The following HCN1 variants were observed in gnomAD, a reference collection of about 807,000 sequenced individuals.
The protein encoded by HCN1 is potassium/sodium hyperpolarization-activated cyclic nucleotide-gated channel 1.
HCN1 carries 13 observed loss-of-function variants against 78.9 expected under a neutral mutation model. The ratio of observed to expected loss-of-function variants is 0.16; its 90% CI spans 0.11 to 0.26. The LOEUF is 0.26. Among genes scored for constraint, HCN1 ranks in the 10% least tolerant of loss-of-function variants. HCN1 has a pLI of 1.00. For synonymous variants in HCN1, 552 were observed against 455.5 expected (o/e 1.21, Z -2.70); for missense variants, 810 against 1,154.3 (o/e 0.70, Z 4.32).
chr5:45,422,292 C>T (rs1740245672), intron 3 of HCN1, among the ~76,000 whole-genome samples: 1 of 152,128 alleles, frequency 6.6e-6, no homozygotes, highest in African/African-American at 2.4e-5. Flanking sequence ...TTCTGTGGGT[C>T]TTCCTTTCCA....
intron 3 of HCN1, among the ~76,000 whole-genome samples, chr5:45,445,078 G>A (rs987312514): frequency 1.3e-5 from 2 of 152,186 alleles, no homozygotes; most frequent in Admixed American, 6.5e-5. Context: ...GAAACAGGGC[G>A]AGGCATTGCC....
At chr5:45,496,929 C>G (rs868763057) in intron 2 of HCN1, among the ~76,000 whole-genome samples, 1 of 152,094 alleles carries the variant, frequency 6.6e-6, no homozygotes, top group Admixed American at 6.6e-5. Flanking sequence ...TTTCAAAGAA[C>G]ATCTTTATTT....
At chr5:45,360,832 T>C (rs1257174166) in intron 4 of HCN1, among the ~76,000 whole-genome samples, 1 of 152,086 alleles carries the variant, frequency 6.6e-6, no homozygotes, top group Non-Finnish European at 1.5e-5. Flanking sequence ...ATTTGTTTGC[T>C]TTTTAGCAGA....
At chr5:45,355,283 T>C (rs2111985518) in intron 4 of HCN1, among the ~76,000 whole-genome samples, 1 of 152,164 alleles carries the variant, frequency 6.6e-6, no homozygotes, top group Admixed American at 6.6e-5. Flanking sequence ...TAGTAACTAT[T>C]GATCTAGCAA....
chr5:45,448,691 T>TA (rs1426411484), intron 3 of HCN1, among the ~76,000 whole-genome samples: 1 of 152,236 alleles, frequency 6.6e-6, no homozygotes, highest in Non-Finnish European at 1.5e-5. Flanking sequence ...TACTCTCAGC[T>TA]ACCTGAAATT....
At chr5:45,666,301 T>C (rs2112068594) in intron 1 of HCN1, among the ~76,000 whole-genome samples, 1 of 152,208 alleles carries the variant, frequency 6.6e-6, no homozygotes, top group South Asian at 2.1e-4. Context: ...AGAGTTTAAA[T>C]TACTAGTCAA....
chr5:45,283,983 CTT>C (rs1745220965), intron 6 of HCN1, among the ~76,000 whole-genome samples: 1 of 152,138 alleles, frequency 6.6e-6, no homozygotes, highest in African/African-American at 2.4e-5. Flanking sequence ...GAGATCCTGT[CTT>C]TTGTGGGAAC....
In HCN1 at chr5:45,267,177, G is replaced by A. The variant is rs553446512; in HGVS notation, c.1695C>T (p.Ser565=). 2.2e-5 allele frequency: 35 copies of A among 1,613,856 alleles called. No individual in the cohort carries two copies. The East Asian group carries it at 4.0e-4, about 19-fold the overall frequency. ...ADTYCRLYSL[S]VDNFNEVLEE... The stretch of plus-strand genomic sequence containing the variant: ...CCAGGACCTCGTTGAAATTGTCCAC[G>A]GAAAGTGAGTAAAGACGACAATATG... The change falls in exon 7 of 8, where the codon TCC becomes TCT. Residue 565 remains serine, a synonymous_variant. Coordinates refer to ENST00000303230, the MANE Select transcript of HCN1 (RefSeq NM_021072.4).
chr5:45,596,739 C>A (rs567514163), intron 2 of HCN1, among the ~76,000 whole-genome samples: 1 of 152,262 alleles, frequency 6.6e-6, no homozygotes, highest in African/African-American at 2.4e-5. Flanking sequence ...AAGCTATGCA[C>A]ATTTTGTCAT....
At chr5:45,421,463 A>C (rs1561148323) in intron 3 of HCN1, among the ~76,000 whole-genome samples, 1 of 152,200 alleles carries the variant, frequency 6.6e-6, no homozygotes, top group Non-Finnish European at 1.5e-5. Context: ...ATAAGCAACT[A>C]TATGGATTAA....
intron 6 of HCN1, among the ~76,000 whole-genome samples, chr5:45,286,480 A>G (rs186366059): frequency 1.3e-5 from 2 of 152,116 alleles, no homozygotes; most frequent in East Asian, 3.9e-4. Flanking sequence ...TACTGAATTA[A>G]TAAGTCCACC....
chr5:45,282,708 G>A (rs1402884494), intron 6 of HCN1, among the ~76,000 whole-genome samples: 5 of 152,170 alleles, frequency 3.3e-5, no homozygotes, highest in Admixed American at 1.3e-4. Flanking sequence ...TTCCAGCTAC[G>A]TGCTTCATTC....
At chr5:45,472,337 C>G (rs182037262) in intron 2 of HCN1, among the ~76,000 whole-genome samples, 1 of 151,824 alleles carries the variant, frequency 6.6e-6, no homozygotes, top group African/African-American at 2.4e-5. Flanking sequence ...TAGGGGCTTG[C>G]CCTTAACTCT....
chr5:45,458,344 A>C (rs937420344), intron 3 of HCN1, among the ~76,000 whole-genome samples: 1 of 152,108 alleles, frequency 6.6e-6, no homozygotes, highest in Non-Finnish European at 1.5e-5. Flanking sequence ...TGTTAGACCC[A>C]CTAATCTTTA....
intron 5 of HCN1, among the ~76,000 whole-genome samples, chr5:45,348,334 G>C (rs1028015577): frequency 1.6e-4 from 25 of 152,130 alleles, no homozygotes; most frequent in East Asian, 1.4e-3. Context: ...TTTGTCACCA[G>C]CAGGCCTGCC....
At chr5:45,309,927 T>A (rs1745817378) in intron 5 of HCN1, among the ~76,000 whole-genome samples, 1 of 152,156 alleles carries the variant, frequency 6.6e-6, no homozygotes, top group African/African-American at 2.4e-5. Flanking sequence ...TTGGAAAATT[T>A]TCAGTAGGAA....
intron 6 of HCN1, among the ~76,000 whole-genome samples, chr5:45,289,101 A>G (rs1745323149): frequency 6.6e-6 from 1 of 152,030 alleles, no homozygotes; most frequent in South Asian, 2.1e-4. Context: ...AACATTTTAA[A>G]CCTAAATACC....
rs1175835174 is a variant in HCN1 at position 45,262,658 on chromosome 5, T to A, written c.1936A>T (p.Thr646Ser). 2.7e-5 allele frequency: 44 copies of A among 1,613,870 alleles called. No homozygotes were observed. Among genetic ancestry groups the A allele is most frequent in the Non-Finnish European group, 3.7e-5 (44 of 1,180,004 alleles). The change falls in exon 8 of 8, where the codon ACC becomes TCC. Residue 646 changes from threonine (T) to serine (S), a missense_variant. Physicochemically the swap from Thr to Ser is moderately conservative, Grantham distance 58. Coordinates refer to ENST00000303230, the MANE Select transcript of HCN1 (RefSeq NM_021072.4). ...GTAGTAGACGATGTGGAATTCAGGG[T>A]TGTCATTTGAGGATAATTGATGGGA... The part of the protein sequence containing the change: ...IAPINYPQMT[T>S]LNSTSSTTTP...
At chr5:45,367,507 A>T (rs1747259809) in intron 4 of HCN1, among the ~76,000 whole-genome samples, 1 of 151,910 alleles carries the variant, frequency 6.6e-6, no homozygotes, top group African/African-American at 2.4e-5. Flanking sequence ...TCAGGAAAGT[A>T]GCATAACCAT....
Sources: allele counts gnomAD v4.1 joint callset (sites outside exome capture counted in the v4.1 genomes callset), GRCh38; gene constraint gnomAD v4.1.1; transcripts MANE v1.5; gene names NCBI Gene and HGNC (gene_info 2026-07-23, HGNC 2026-07-21).